The following RYR2 variants were observed in gnomAD, a reference collection of about 807,000 sequenced individuals.
RYR2 encodes the protein ryanodine receptor 2.
Under a neutral mutation model 601.1 loss-of-function variants are expected in RYR2, and 227 were observed. That is an observed-to-expected ratio of 0.38 (90% confidence interval 0.34 to 0.42). RYR2 has a LOEUF of 0.42. Among genes scored for constraint, RYR2 ranks in the 10% least tolerant of loss-of-function variants. RYR2 has a pLI of 1.00. For missense variants in RYR2, 4,646 were observed against 6,156.5 expected, an observed-to-expected ratio of 0.75 and a Z score of 8.21; for synonymous variants, 2,223 against 2,175.1, an observed-to-expected ratio of 1.02 and a Z score of -0.61.
intron 2 of RYR2, among the ~76,000 whole-genome samples, chr1:237,298,861 A>G (rs2149446210): frequency 6.6e-6 from 1 of 152,176 alleles, no homozygotes; most frequent in East Asian, 1.9e-4. Context: ...TTAGCCGAGT[A>G]TGGTGGTGCA....
At chr1:237,330,441 G>A (rs980633650) in intron 2 of RYR2, among the ~76,000 whole-genome samples, 1 of 152,214 alleles carries the variant, frequency 6.6e-6, no homozygotes, top group African/African-American at 2.4e-5. Context: ...GGTCTGGAGG[G>A]CAGTGGTGTG....
At chr1:237,717,402 A>G (rs1156244595) in intron 72 of RYR2, 34 bp downstream of exon 72, 2 of 1,524,994 alleles carry the variant, frequency 1.3e-6, no homozygotes, top group Middle Eastern at 1.9e-4. Flanking sequence ...GGTAATGATC[A>G]TCTGACCTCC....
At chr1:237,652,441 C>T (rs952434626) in intron 51 of RYR2, among the ~76,000 whole-genome samples, 1 of 151,908 alleles carries the variant, frequency 6.6e-6, no homozygotes, top group Non-Finnish European at 1.5e-5. Context: ...TATAGATGAC[C>T]ACTCTGCAAT....
chr1:237,665,019 T>C (rs1684174140), intron 56 of RYR2, among the ~76,000 whole-genome samples: 1 of 152,230 alleles, frequency 6.6e-6, no homozygotes, highest in South Asian at 2.1e-4. Flanking sequence ...ATCCATTTCT[T>C]TGTGTCAGGC....
At chr1:237,758,902 A>G (rs945278886) in intron 82 of RYR2, among the ~76,000 whole-genome samples, 1 of 152,174 alleles carries the variant, frequency 6.6e-6, no homozygotes, top group African/African-American at 2.4e-5. Context: ...GTTTTTTTAC[A>G]TGTATGTTTA....
At chr1:237,362,582 T>G (rs1699866337) in intron 4 of RYR2, among the ~76,000 whole-genome samples, 1 of 152,202 alleles carries the variant, frequency 6.6e-6, no homozygotes, top group Admixed American at 6.5e-5. Flanking sequence ...TGAATTAAAC[T>G]AATATACTCA....
At chr1:237,680,814 A>AT (rs1685809587) in intron 62 of RYR2, among the ~76,000 whole-genome samples, 1 of 152,130 alleles carries the variant, frequency 6.6e-6, no homozygotes, top group Non-Finnish European at 1.5e-5. Flanking sequence ...GAAGGATAAA[A>AT]TATCACTCAT....
chr1:237,280,355 A>AT (rs1207909890), intron 2 of RYR2, among the ~76,000 whole-genome samples: 5 of 152,216 alleles, frequency 3.3e-5, no homozygotes, highest in Non-Finnish European at 7.4e-5. Context: ...TAAAACAATT[A>AT]TAAGGAAATA....
In RYR2 at chr1:237,550,604, A is replaced by G. The variant is rs1343049727; in HGVS notation, c.3127A>G (p.Lys1043Glu). The change falls in exon 27 of 105, where the codon AAG becomes GAG. Residue 1043 changes from lysine (K) to glutamate (E), a missense_variant. By Grantham distance (56) the Lys-to-Glu change is moderately conservative. This residue lies in a region of RYR2 where 1,807 missense variants were observed against 2,088.1 expected (regional missense o/e 0.87). Coordinates refer to ENST00000366574, the MANE Select transcript of RYR2 (RefSeq NM_001035.3). ...CTACACTCTTCTGGATGACCGAACC[A>G]AGAAATCCAACAAGGACAGCCTCCG... ...VPYTLLDDRTKKSNKDSLREA... is the reference protein window; with the variant it reads ...VPYTLLDDRTEKSNKDSLREA... 3 of 1,603,714 alleles carry G rather than the reference A, an allele frequency of 1.9e-6. No individual in the cohort carries two copies. The highest frequency in any genetic ancestry group is 1.3e-5 in the African/African-American group (1 of 74,768).
rs758415567 is a variant in RYR2 at position 237,625,743 on chromosome 1, G to A, written c.6105G>A (p.Lys2035=). 4 of 1,613,772 alleles carry A rather than the reference G, an allele frequency of 2.5e-6. No individual in the cohort carries two copies. Among genetic ancestry groups the A allele is most frequent in the Admixed American group, 1.7e-5 (1 of 60,006 alleles). ...GGCGTCTGCTATCCCTGGTAGAAAA[G>A]GTGACATATCTGAAGAAGAAGCAAG... ...IRGRLLSLVE[K]VTYLKKKQAE... Residue 2035 remains lysine, a synonymous_variant, in exon 40 of 105, where the codon AAG becomes AAA. Coordinates refer to ENST00000366574, the MANE Select transcript of RYR2 (RefSeq NM_001035.3).
chr1:237,733,833 T>A, intron 79 of RYR2, 77 bp downstream of exon 79: 1 of 980,632 alleles, frequency 1.0e-6, no homozygotes, highest in Non-Finnish European at 1.6e-6. Context: ...AGGATAAGAA[T>A]CTGTGTATTT....
chr1:237,430,161 C>T (rs911996558), intron 12 of RYR2, among the ~76,000 whole-genome samples: 6 of 149,450 alleles, frequency 4.0e-5, no homozygotes, highest in Non-Finnish European at 8.9e-5. Context: ...TAACATATAA[C>T]ATATATAGTC....
At chr1:237,603,340 CT>C (rs1279877554) in intron 35 of RYR2, among the ~76,000 whole-genome samples, 3 of 152,108 alleles carry the variant, frequency 2.0e-5, no homozygotes, top group Non-Finnish European at 4.4e-5. Flanking sequence ...TGGTGCCCCC[CT>C]GTCCCAGCAA....
At chr1:237,238,385 T>C (rs1011885416) in intron 1 of RYR2, among the ~76,000 whole-genome samples, 1 of 152,142 alleles carries the variant, frequency 6.6e-6, no homozygotes, top group Non-Finnish European at 1.5e-5. Flanking sequence ...ATACCTTACA[T>C]GTATTGATTG....
At chr1:237,556,561 G>A (rs1670908954) in intron 27 of RYR2, among the ~76,000 whole-genome samples, 2 of 148,876 alleles carry the variant, frequency 1.3e-5, no homozygotes, top group Non-Finnish European at 3.0e-5. Flanking sequence ...CACCCACCTT[G>A]GCCTCCCAAA....
At chr1:237,285,674 A>G (rs1011915116) in intron 2 of RYR2, among the ~76,000 whole-genome samples, 21 of 152,006 alleles carry the variant, frequency 1.4e-4, no homozygotes, top group Non-Finnish European at 3.1e-4. Flanking sequence ...TGTTGTTGGT[A>G]ATTTTTAAAT....
At chr1:237,456,494 C>A (rs1658828737) in intron 15 of RYR2, 106 bp from the exon 16 acceptor site, 1 of 1,232,892 alleles carries the variant, frequency 8.1e-7, no homozygotes, top group Non-Finnish European at 1.1e-6. Context: ...GTAGATGAAC[C>A]TTCAGTCAGA....
chr1:237,133,233 GAC>G (rs1672346821), intron 1 of RYR2, among the ~76,000 whole-genome samples: 1 of 152,140 alleles, frequency 6.6e-6, no homozygotes, highest in African/African-American at 2.4e-5. Context: ...TCCAGGGAAT[GAC>G]CTTAGGTATG....
chr1:237,331,765 T>C lies in RYR2; in HGVS notation c.273+783T>C, dbSNP rs377569536. Among the ~76,000 whole-genome samples, 266 of 151,976 alleles carry C rather than the reference T, an allele frequency of 1.8e-3. 1 individual carries two copies. Among genetic ancestry groups the C allele is most frequent in the African/African-American group, 5.8e-3 (242 of 41,472 alleles). On this transcript the variant is annotated intron_variant, in intron 3 of 104. Coordinates refer to ENST00000366574, the MANE Select transcript of RYR2 (RefSeq NM_001035.3). ...TCCTGACCTCGTGATCTGCCCACCT[T>C]GGCCTCCCAAAGTGCTGGGATTACA...
Sources: gnomAD v4.1 joint callset for allele counts (sites outside exome capture counted in the v4.1 genomes callset) on GRCh38, gnomAD v4.1.1 for gene constraint, gnomAD v4.1.1 regional missense constraint, MANE v1.5 for transcripts, NCBI Gene and HGNC (gene_info 2026-07-23, HGNC 2026-07-21) for gene names.